Variants in HFM1 observed in about 807,000 individuals in gnomAD.
HFM1 encodes probable ATP-dependent DNA helicase HFM1.
A neutral mutation model predicts 192.1 loss-of-function variants in HFM1; 169 were observed. The ratio of observed to expected loss-of-function variants is 0.88; its 90% confidence interval spans 0.78 to 1.00. The LOEUF (loss-of-function observed/expected upper bound fraction) is 1.00. HFM1 is among the 50% of genes least tolerant of loss of function. HFM1 has a pLI of 0.00. For synonymous variants in HFM1, 525 were observed against 537.8 expected, an observed-to-expected ratio of 0.98 and a Z score of 0.33; for missense variants, 1,661 against 1,668.0, an observed-to-expected ratio of 1.00 and a Z score of 0.07.
chr1:91,378,400 T>C lies in HFM1; in HGVS notation c.1236+3A>G, dbSNP rs764236201. On this transcript the variant is annotated splice_donor_region_variant and intron_variant, in intron 10 of 38. Transcript: ENST00000370425. ...TATCTCTGAAAGCGAATGCATTCAT[T>C]ACCTCATCAATGAGAAACAGTCGAA... 2 of 1,586,416 alleles carry C rather than the reference T, an allele frequency of 1.3e-6. No individual in the cohort carries two copies. Among genetic ancestry groups the C allele is most frequent in the South Asian group, 2.2e-5 (2 of 89,256 alleles).
At chr1:91,385,335 G>T in intron 5 of HFM1, 101 bp from the exon 6 acceptor site, 1 of 822,332 alleles carries the variant, frequency 1.2e-6, no homozygotes, top group Non-Finnish European at 1.9e-6. Flanking sequence ...CATAAAAACT[G>T]TTTCAATAAA....
intron 30 of HFM1, among the ~76,000 whole-genome samples, chr1:91,294,903 T>G (rs1424765324): frequency 1.3e-5 from 2 of 152,212 alleles, no homozygotes. Flanking sequence ...GCAAGGGGAA[T>G]TACTCTATCA....
At chr1:91,357,506 A>G (rs757428412) in intron 13 of HFM1, among the ~76,000 whole-genome samples, 5 of 152,232 alleles carry the variant, frequency 3.3e-5, no homozygotes, top group Non-Finnish European at 5.9e-5. Context: ...ATCATAATCA[A>G]TGGGGAACAA....
intron 13 of HFM1, among the ~76,000 whole-genome samples, chr1:91,355,793 A>G (rs1279784380): frequency 6.6e-6 from 1 of 152,210 alleles, no homozygotes; most frequent in Admixed American, 6.5e-5. Context: ...TCCCACTTTC[A>G]ATAATGATAG....
intron 30 of HFM1, among the ~76,000 whole-genome samples, chr1:91,289,631 T>A (rs1042774351): frequency 2.0e-5 from 3 of 152,148 alleles, no homozygotes; most frequent in African/African-American, 4.8e-5. Context: ...AGGCTGAGGC[T>A]GGCAGAACAC....
At chr1:91,297,005 C>T (rs375287298) in intron 30 of HFM1, among the ~76,000 whole-genome samples, 14 of 152,168 alleles carry the variant, frequency 9.2e-5, no homozygotes, top group East Asian at 5.8e-4. Flanking sequence ...TCGCCTCACC[C>T]GGGAAGCACA....
At chr1:91,376,873 GT>G (rs1660971358) in intron 11 of HFM1, among the ~76,000 whole-genome samples, 1 of 151,752 alleles carries the variant, frequency 6.6e-6, no homozygotes. Context: ...CTTCTTTAGA[GT>G]TTTATATATC....
rs1318916001 is a variant in HFM1 at position 91,315,803 on chromosome 1, T to G, written c.3140+12A>C. On this transcript the variant is annotated intron_variant, in intron 28 of 38. Transcript: ENST00000370425. ...TAGAAATAAGATCAAACATCAGAAA[T>G]TTCACACTTACGTAATCTTGTGCAG... The G allele has an allele frequency of 6.3e-7, 1 of 1,578,062 alleles. No homozygotes were observed. Among genetic ancestry groups the G allele is most frequent in the South Asian group, 1.2e-5 (1 of 85,436 alleles).
chr1:91,292,787 A>G (rs940455533), intron 30 of HFM1, among the ~76,000 whole-genome samples: 2 of 152,150 alleles, frequency 1.3e-5, no homozygotes, highest in African/African-American at 4.8e-5. Context: ...GCATCACACT[A>G]CCTGACTTCA....
chr1:91,318,694 T>C (rs1272837327), intron 25 of HFM1, among the ~76,000 whole-genome samples: 1 of 152,076 alleles, frequency 6.6e-6, no homozygotes, highest in African/African-American at 2.4e-5. Flanking sequence ...CTGTAATGAA[T>C]TAGGAATGGC....
intron 30 of HFM1, among the ~76,000 whole-genome samples, chr1:91,293,099 C>T (rs1043157506): frequency 6.6e-6 from 1 of 152,110 alleles, no homozygotes; most frequent in African/African-American, 2.4e-5. Flanking sequence ...CCATAAAAAC[C>T]CTAGAAGAAA....
At chr1:91,377,285 A>C (rs1661018437) in intron 11 of HFM1, among the ~76,000 whole-genome samples, 1 of 151,960 alleles carries the variant, frequency 6.6e-6, no homozygotes. Flanking sequence ...CAAGAAAATG[A>C]TTAATTGTGC....
rs377549236 is a variant in HFM1, at chr1:91,266,124, C to T, written c.3884-17G>A. 5.4e-5 allele frequency: 85 copies of T among 1,582,270 alleles called. No individual in the cohort carries two copies. In the African/African-American group the frequency reaches 1.1e-3, roughly 21 times the overall value. On this transcript the variant is annotated splice_polypyrimidine_tract_variant and intron_variant, in intron 35 of 38. Coordinates refer to ENST00000370425, the MANE Select transcript of HFM1 (RefSeq NM_001017975.6). ...TTCCAAATCCTATGTGAAGAGATAA[C>T]ATTTTGAAACAAAATGCCAAGAAAC...
chr1:91,305,957 A>C (rs908236619), intron 30 of HFM1, among the ~76,000 whole-genome samples: 28 of 152,190 alleles, frequency 1.8e-4, no homozygotes, highest in Non-Finnish European at 3.8e-4. Context: ...TTCTTGTAAC[A>C]TTCTCCAACT....
chr1:91,265,985 C>T (rs1473976057), intron 36 of HFM1, 32 bp downstream of exon 36: 10 of 1,584,426 alleles, frequency 6.3e-6, no homozygotes, highest in Non-Finnish European at 8.5e-6. Context: ...TATAAAGTTG[C>T]AAATATTACA....
Position 91,280,046 on chromosome 1 carries a change from A to G in HFM1, c.3392-2984T>C, listed in dbSNP as rs1034143265. On this transcript the variant is annotated intron_variant, in intron 30 of 38. Coordinates refer to ENST00000370425, the MANE Select transcript of HFM1 (RefSeq NM_001017975.6). The stretch of plus-strand genomic sequence containing the variant: ...AAAACAATTGACAATTAAGTGATAA[A>G]CAAATATATTAATGTATATATTATA... Among the ~76,000 whole-genome samples the G allele has an allele frequency of 2.6e-5, 4 of 151,912 alleles. 1 individual carries two copies. Among genetic ancestry groups the G allele is most frequent in the African/African-American group, 9.7e-5 (4 of 41,168 alleles).
intron 30 of HFM1, among the ~76,000 whole-genome samples, chr1:91,284,803 T>C (rs1051161234): frequency 2.6e-5 from 4 of 152,210 alleles, no homozygotes; most frequent in African/African-American, 4.8e-5. Context: ...CCTCAAATTA[T>C]ACAAGAATTT....
At chr1:91,318,831 T>G (rs1651640687) in intron 25 of HFM1, among the ~76,000 whole-genome samples, 1 of 152,172 alleles carries the variant, frequency 6.6e-6, no homozygotes, top group Non-Finnish European at 1.5e-5. Context: ...GAGAAAAAAT[T>G]TTCAAATGAC....
At chr1:91,399,488 A>G (rs896332297) in intron 2 of HFM1, among the ~76,000 whole-genome samples, 25 of 152,330 alleles carry the variant, frequency 1.6e-4, no homozygotes, top group Non-Finnish European at 3.1e-4. Context: ...AATTATATCC[A>G]AAATCCTTAT....
Sources: allele counts gnomAD v4.1 joint callset (sites outside exome capture counted in the v4.1 genomes callset), GRCh38; gene constraint gnomAD v4.1.1; transcripts MANE v1.5; gene names NCBI Gene and HGNC (gene_info 2026-07-23, HGNC 2026-07-21).